Variants in CAST observed in about 807,000 individuals in gnomAD.
CAST encodes MIR583 host.
CAST carries 76 observed loss-of-function variants against 119.6 expected under a neutral mutation model. That is an observed-to-expected ratio of 0.64 (90% CI 0.53 to 0.77). CAST has a LOEUF of 0.77. CAST is among the 30% of genes least tolerant of loss of function. The pLI is 0.00. For synonymous variants in CAST, 319 were observed against 331.6 expected (o/e 0.96, Z 0.41); for missense variants, 953 against 946.5 (o/e 1.01, Z -0.09).
chr5:96,219,966 G>T, the CAST span, among the ~76,000 whole-genome samples: 4 of 152,138 alleles, frequency 2.6e-5, no homozygotes, highest in African/African-American at 9.7e-5. Flanking sequence ...TTTGGAGCAG[G>T]ATGTCTGAAG....
chr5:95,972,915 AG>A, the CAST span: 4 of 152,238 alleles, frequency 2.6e-5, no homozygotes, highest in African/African-American at 9.6e-5. Context: ...TACGAACCGA[AG>A]GGATGATCCT....
At chr5:96,308,363 T>A in the CAST span, among the ~76,000 whole-genome samples, 1 of 151,974 alleles carries the variant, frequency 6.6e-6, no homozygotes, top group South Asian at 2.1e-4. Flanking sequence ...CTAACCTTTT[T>A]TCTGAGGTTT....
the CAST span, chr5:96,423,287 A>G: frequency 4.4e-6 from 7 of 1,593,268 alleles, no homozygotes; most frequent in Non-Finnish European, 5.1e-6. Flanking sequence ...TCCCTAAGTC[A>G]CAGTCATGAG....
Position 96,742,811 on chromosome 5 carries a change from G to A in CAST, c.1200+55G>A, listed in dbSNP as rs539721732. 46 of 1,167,986 alleles carry A rather than the reference G, an allele frequency of 3.9e-5. No homozygotes were observed. The African/African-American group carries it at 5.6e-4, about 14-fold the overall frequency. The allele number at this position is 1,167,986 out of a possible 1,614,324, so 72.4% of individuals were successfully genotyped here. A position where few individuals can be genotyped will look rare whatever the true frequency, so the allele number is the denominator to read the frequency against. On this transcript the variant is annotated intron_variant, in intron 16 of 31. Transcript: ENST00000675179. ...TTGTTAGTCTGCACATTACAAAACC[G>A]AATGCACTCTGCATGTTTAGAATTC...
chr5:96,586,276 A>G (rs1448453998), intron 1 of CAST, among the ~76,000 whole-genome samples: 2 of 152,198 alleles, frequency 1.3e-5, no homozygotes, highest in African/African-American at 2.4e-5. Flanking sequence ...CCCTGTGGCT[A>G]GAAATATGTT....
At chr5:96,151,448 C>A in the CAST span, among the ~76,000 whole-genome samples, 1 of 152,104 alleles carries the variant, frequency 6.6e-6, no homozygotes. Flanking sequence ...CCAGCCTGGG[C>A]AACATAGTGA....
At chr5:96,189,421 C>T in the CAST span, among the ~76,000 whole-genome samples, 1 of 152,134 alleles carries the variant, frequency 6.6e-6, no homozygotes, top group Non-Finnish European at 1.5e-5. Flanking sequence ...TGCTCCAGTG[C>T]CCTCTTGTCT....
At chr5:96,400,152 C>G in the CAST span, 1 of 1,614,106 alleles carries the variant, frequency 6.2e-7, no homozygotes, top group African/African-American at 1.3e-5. Flanking sequence ...GTCCAGACAA[C>G]CAGGTGCTGC....
intron 3 of CAST, among the ~76,000 whole-genome samples, chr5:96,697,091 C>A (rs1428318483): frequency 6.6e-6 from 1 of 151,630 alleles, no homozygotes; most frequent in African/African-American, 2.4e-5. Context: ...TGGCTTGAAC[C>A]CGGGAGGCAC....
chr5:96,543,180 A>T (rs1430703599), intron 1 of CAST, among the ~76,000 whole-genome samples: 1 of 152,218 alleles, frequency 6.6e-6, no homozygotes. Flanking sequence ...TGGCACATAT[A>T]CACCATGGAA....
the CAST span, among the ~76,000 whole-genome samples, chr5:96,261,682 G>A: frequency 5.3e-5 from 8 of 152,124 alleles, no homozygotes; most frequent in Non-Finnish European, 8.8e-5. Context: ...GTACAAACAA[G>A]GTATGTAATA....
intron 1 of CAST, among the ~76,000 whole-genome samples, chr5:96,550,123 C>A (rs537499003): frequency 3.9e-5 from 6 of 152,222 alleles, no homozygotes; most frequent in Non-Finnish European, 8.8e-5. Flanking sequence ...CCCTGACCCC[C>A]GTGTAGCCTG....
chr5:96,369,776 C>T, the CAST span, among the ~76,000 whole-genome samples: 1 of 152,098 alleles, frequency 6.6e-6, no homozygotes, highest in East Asian at 1.9e-4. Flanking sequence ...GACTCTTTGT[C>T]TCTTTATTCC....
chr5:96,362,991 C>T, the CAST span, among the ~76,000 whole-genome samples: 1 of 151,470 alleles, frequency 6.6e-6, no homozygotes, highest in African/African-American at 2.4e-5. Context: ...GTCTTTAATC[C>T]ATATTGAATT....
At chr5:96,534,831 A>G (rs2150178327) in intron 1 of CAST, among the ~76,000 whole-genome samples, 7 of 145,992 alleles carry the variant, frequency 4.8e-5, no homozygotes, top group Middle Eastern at 3.5e-3. Flanking sequence ...AAAAGAAAGA[A>G]GGAAAGAAGG....
chr5:96,523,293 A>G (rs1051918888), upstream of CAST, among the ~76,000 whole-genome samples: 13 of 152,252 alleles, frequency 8.5e-5, no homozygotes, highest in African/African-American at 3.1e-4. Context: ...CCCCATAGGG[A>G]TGCCATGCAG....
the CAST span, among the ~76,000 whole-genome samples, chr5:96,180,058 G>C: frequency 6.6e-6 from 1 of 151,960 alleles, no homozygotes; most frequent in Non-Finnish European, 1.5e-5. Flanking sequence ...GAGCGTAAAA[G>C]GTGAGATACA....
intron 15 of CAST, 154 bp downstream of exon 15, chr5:96,741,734 A>G: frequency 1.7e-6 from 1 of 592,774 alleles, no homozygotes. Flanking sequence ...GGTTATGTTG[A>G]TCATCTCCAG....
intron 2 of CAST, among the ~76,000 whole-genome samples, chr5:96,680,377 AAAGAAG>A (rs1234899701): frequency 0.063 from 6,147 of 98,050 alleles, 482 homozygotes; most frequent in African/African-American, 0.12. Flanking sequence ...AAAAAAAAAA[AAAGAAG>A]AAGAAGAAAA....
Sources: gnomAD v4.1 joint callset for allele counts (sites outside exome capture counted in the v4.1 genomes callset) on GRCh38, gnomAD v4.1.1 for gene constraint, MANE v1.5 for transcripts, NCBI Gene and HGNC (gene_info 2026-07-23, HGNC 2026-07-21) for gene names.